Variants in TRAF2 observed in about 807,000 individuals in gnomAD.
The protein encoded by TRAF2 is TNF receptor-associated factor 2.
A neutral mutation model predicts 55.6 loss-of-function variants in TRAF2; 6 were observed. That is an observed-to-expected ratio of 0.11 (90% CI 0.06 to 0.21). TRAF2 has a LOEUF of 0.21. Among genes scored for constraint, TRAF2 ranks in the 10% least tolerant of loss-of-function variants. The pLI is 1.00. For missense variants in TRAF2, 561 were observed against 684.5 expected, an observed-to-expected ratio of 0.82 and a Z score of 2.01; for synonymous variants, 329 against 276.3, an observed-to-expected ratio of 1.19 and a Z score of -1.89.
intron 10 of TRAF2, among the ~76,000 whole-genome samples, chr9:136,924,979 C>T (rs956147741): frequency 1.8e-4 from 27 of 152,278 alleles, no homozygotes; most frequent in Middle Eastern, 3.4e-3. Flanking sequence ...CCTTGTGATC[C>T]GCCCACCTTG....
intron 10 of TRAF2, 105 bp downstream of exon 10, chr9:136,924,105 G>C: frequency 7.2e-7 from 1 of 1,396,916 alleles, no homozygotes; most frequent in Non-Finnish European, 9.7e-7. Context: ...GCTTGGGCTC[G>C]CTGGACCAGG....
intron 4 of TRAF2, among the ~76,000 whole-genome samples, chr9:136,906,500 C>T (rs1445677591): frequency 1.3e-5 from 2 of 152,014 alleles, no homozygotes; most frequent in African/African-American, 2.4e-5. Flanking sequence ...GAGAGCAGCA[C>T]GGGAAAAACC....
chr9:136,901,505 G>A (rs1402964153), intron 4 of TRAF2, among the ~76,000 whole-genome samples: 1 of 152,222 alleles, frequency 6.6e-6, no homozygotes, highest in Admixed American at 6.5e-5. Context: ...ACATGAGCCA[G>A]TTACCAAAGG....
Position 136,912,987 on chromosome 9 carries a change from G to T in TRAF2, c.603+2993G>T, listed in dbSNP as rs555192734. ...TTCTCTACTAAAAATACAAAAATTA[G>T]CCAGGTGTGGTGGCACAGGCACTCC... On this transcript the variant is annotated intron_variant, in intron 6 of 10. Transcript: ENST00000247668. 3.9e-5 allele frequency among the ~76,000 whole-genome samples: 6 copies of T among 152,222 alleles called. No individual in the cohort carries two copies. The South Asian group carries it at 1.2e-3, about 32-fold the overall frequency.
At chr9:136,923,768 C>T (rs1850455564) in intron 9 of TRAF2, 84 bp from the exon 10 acceptor site, 1 of 1,477,442 alleles carries the variant, frequency 6.8e-7, no homozygotes, top group Admixed American at 1.9e-5. Flanking sequence ...GTTTTTGTCC[C>T]TGGGGGAGGG....
intron 6 of TRAF2, among the ~76,000 whole-genome samples, chr9:136,915,138 C>CA (rs1176064412): frequency 1.3e-5 from 2 of 152,108 alleles, no homozygotes; most frequent in Non-Finnish European, 2.9e-5. Context: ...GAAATCATGC[C>CA]ATTGTACTCC....
intron 8 of TRAF2, among the ~76,000 whole-genome samples, 184 bp from the exon 9 acceptor site, chr9:136,920,854 C>A (rs1850367760): frequency 6.6e-6 from 1 of 152,172 alleles, no homozygotes; most frequent in African/African-American, 2.4e-5. Context: ...TCTGTGTGGA[C>A]TTGGAGCCAC....
At chr9:136,893,023 G>T (rs986393483) in intron 1 of TRAF2, among the ~76,000 whole-genome samples, 5 of 152,202 alleles carry the variant, frequency 3.3e-5, no homozygotes, top group African/African-American at 4.8e-5. Flanking sequence ...GTACATGTAT[G>T]TAGCACGTCT....
chr9:136,913,295 ATTTTTT>A (rs369765173), intron 6 of TRAF2, among the ~76,000 whole-genome samples: 3 of 87,068 alleles, frequency 3.4e-5, no homozygotes, highest in African/African-American at 5.0e-5. Context: ...TTATAAAGGA[ATTTTTT>A]TTTTTTTTTT....
At chr9:136,914,943 G>A (rs17250476) in intron 6 of TRAF2, among the ~76,000 whole-genome samples, 1,536 of 152,204 alleles carry the variant, frequency 0.01, 27 homozygotes, top group African/African-American at 0.036. Context: ...ACTTTGAAAG[G>A]CGGAGGCGAG....
At chr9:136,899,198 A>G (rs989724174) in intron 2 of TRAF2, among the ~76,000 whole-genome samples, 1 of 152,228 alleles carries the variant, frequency 6.6e-6, no homozygotes, top group Admixed American at 6.5e-5. Flanking sequence ...TAATGTGAGT[A>G]CTGGAAAGTT....
intron 4 of TRAF2, 181 bp downstream of exon 4, chr9:136,900,701 A>G (rs1011661849): frequency 7.4e-6 from 5 of 676,722 alleles, no homozygotes; most frequent in Non-Finnish European, 1.4e-5. Flanking sequence ...AAACTCAAGT[A>G]GTGCAGAGCA....
In TRAF2 at chr9:136,924,062, C is replaced by T. The variant is rs543402975; in HGVS notation, c.1287+62C>T. ...CTGGGAGTCCCTCTGGGCAGTGCAG[C>T]TTCTGTGGTGCAGGGTTGTGCGGGA... On this transcript the variant is annotated intron_variant, in intron 10 of 10. Coordinates refer to ENST00000247668, the MANE Select transcript of TRAF2 (RefSeq NM_021138.4). 110 of 1,587,810 alleles carry T rather than the reference C, an allele frequency of 6.9e-5. No homozygotes were observed. The African/African-American group carries it at 1.3e-3, about 19-fold the overall frequency.
rs144031114 is a variant in TRAF2, at chr9:136,907,170, G to C, written c.367-900G>C. ...CTGTGTCCTTTTCCCTTGCCACCCT[G>C]GCCATCTGTGGACGTCCACAGTCCT... On this transcript the variant is annotated intron_variant, in intron 4 of 10. Coordinates refer to ENST00000247668, the MANE Select transcript of TRAF2 (RefSeq NM_021138.4). Among the ~76,000 whole-genome samples the C allele has an allele frequency of 2.4e-4, 37 of 152,352 alleles. No individual in the cohort carries two copies. In the East Asian group the frequency reaches 4.8e-3, roughly 20 times the overall value.
upstream of TRAF2, chr9:136,882,640 G>A (rs773407525): frequency 4.1e-5 from 40 of 985,596 alleles, no homozygotes; most frequent in Non-Finnish European, 4.7e-5. Flanking sequence ...AGGCCTGGGT[G>A]GCTGACTTTT....
intron 8 of TRAF2, among the ~76,000 whole-genome samples, chr9:136,920,753 C>G (rs1850365581): frequency 6.6e-6 from 1 of 152,342 alleles, no homozygotes; most frequent in Middle Eastern, 3.4e-3. Context: ...GGGCAGGAGC[C>G]TCTTCTCTCT....
intron 1 of TRAF2, among the ~76,000 whole-genome samples, chr9:136,893,329 G>A (rs1292923487): frequency 6.6e-6 from 1 of 152,228 alleles, no homozygotes; most frequent in Non-Finnish European, 1.5e-5. Flanking sequence ...ACGAATGTAA[G>A]GTCTCACTAA....
rs1028716416 is a variant in TRAF2 at position 136,907,946 on chromosome 9, C to T, written c.367-124C>T. The T allele has an allele frequency of 2.1e-5, 26 of 1,239,202 alleles. 1 individual carries two copies. The Middle Eastern group carries it at 2.0e-3, about 96-fold the overall frequency. The allele number at this position is 1,239,202 out of a possible 1,614,324, so 76.8% of individuals were successfully genotyped here. A position where few individuals can be genotyped will look rare whatever the true frequency, so the allele number is the denominator to read the frequency against. ...AGCCCTGAGAGCTATCTGCAGAGGG[C>T]GGCCCCCAGGACCAGCATGCGGACA... On this transcript the variant is annotated intron_variant, in intron 4 of 10. Coordinates refer to ENST00000247668, the MANE Select transcript of TRAF2 (RefSeq NM_021138.4).
At chr9:136,892,438 T>G (rs985067325) in intron 1 of TRAF2, among the ~76,000 whole-genome samples, 7 of 152,016 alleles carry the variant, frequency 4.6e-5, no homozygotes, top group African/African-American at 1.7e-4. Context: ...CACTCCCGCC[T>G]GGGCGACAGA....
Sources: allele counts gnomAD v4.1 joint callset (sites outside exome capture counted in the v4.1 genomes callset), GRCh38; gene constraint gnomAD v4.1.1; transcripts MANE v1.5; gene names NCBI Gene and HGNC (gene_info 2026-07-23, HGNC 2026-07-21).